LIN52: variants seen among roughly 807,000 people sequenced by gnomAD.
The protein encoded by LIN52 is protein lin-52 homolog.
A neutral mutation model predicts 18.5 loss-of-function variants in LIN52; 4 were observed. That is an observed-to-expected ratio of 0.22 (90% CI 0.11 to 0.49). The LOEUF is 0.49. LIN52 is among the 20% of genes least tolerant of loss of function. LIN52 has a pLI of 0.97. For synonymous variants in LIN52, 34 were observed against 45.5 expected (o/e 0.75, Z 1.02); for missense variants, 102 against 139.5 (o/e 0.73, Z 1.35).
intron 5 of LIN52, among the ~76,000 whole-genome samples, chr14:74,163,198 C>T (rs1404093760): frequency 6.6e-6 from 1 of 152,162 alleles, no homozygotes; most frequent in Non-Finnish European, 1.5e-5. Context: ...CCTTTCACCT[C>T]AGCCTCCAGG....
intron 1 of LIN52, among the ~76,000 whole-genome samples, chr14:74,087,268 T>A (rs2060739308): frequency 6.6e-6 from 1 of 151,916 alleles, no homozygotes; most frequent in East Asian, 1.9e-4. Flanking sequence ...TACAAAAAAT[T>A]AGCCAGGCGT....
chr14:74,180,407 A>G (rs1388791395), intron 5 of LIN52, among the ~76,000 whole-genome samples: 2 of 151,638 alleles, frequency 1.3e-5, no homozygotes, highest in Non-Finnish European at 2.9e-5. Context: ...CTGGGACTAC[A>G]GGCGCCTGCC....
intron 5 of LIN52, among the ~76,000 whole-genome samples, chr14:74,110,024 T>C (rs1372150843): frequency 6.6e-6 from 1 of 152,196 alleles, no homozygotes; most frequent in East Asian, 1.9e-4. Context: ...CCTTGACTTT[T>C]CCTGATCTTT....
chr14:74,200,687 T>C lies in LIN52; in HGVS notation c.*1710T>C, dbSNP rs1412522922. On this transcript the variant is annotated 3_prime_UTR_variant, in exon 6 of 6. Transcript: ENST00000555028. ...TAACACAAGATAGGAAAGATGAGTA[T>C]GAGAAGTAAAACATTCTGCTGGGGT... 5 of 152,272 alleles carry C rather than the reference T, an allele frequency of 3.3e-5. No homozygotes were observed. The highest frequency in any genetic ancestry group is 2.6e-4 in the Admixed American group (4 of 15,292). 9.4% of individuals were successfully genotyped at this position (152,272 alleles called of 1,614,324 possible).
chr14:74,181,107 C>CA lies in LIN52; in HGVS notation c.284-17794dup, dbSNP rs149099646. ...TGGGTGATGGAGCAAGACTCTGTCT[C>CA]AAAAAAAAAAAAAAAAAAAAAGAAA... On this transcript the variant is annotated intron_variant, in intron 5 of 5. Transcript: ENST00000555028. Among the ~76,000 whole-genome samples, 842 of 95,944 alleles carry CA rather than the reference C, an allele frequency of 8.8e-3. 10 individuals are homozygous for CA. The highest frequency in any genetic ancestry group is 0.027 in the African/African-American group (664 of 24,612). The allele number at this position is 95,944 out of a possible 152,430, so 62.9% of individuals were successfully genotyped here. A position where few individuals can be genotyped will look rare whatever the true frequency, so the allele number is the denominator to read the frequency against.
chr14:74,145,940 A>G (rs2061151130), intron 5 of LIN52, among the ~76,000 whole-genome samples: 1 of 152,054 alleles, frequency 6.6e-6, no homozygotes, highest in Non-Finnish European at 1.5e-5. Flanking sequence ...GGTATGGAAA[A>G]CTTGTTTTTT....
chr14:74,195,714 T>C (rs1478853968), intron 5 of LIN52, among the ~76,000 whole-genome samples: 1 of 152,158 alleles, frequency 6.6e-6, no homozygotes, highest in African/African-American at 2.4e-5. Context: ...CTGTGTCTGA[T>C]GTCTTGCAAA....
intron 5 of LIN52, among the ~76,000 whole-genome samples, chr14:74,137,843 T>C (rs1357166341): frequency 6.6e-6 from 1 of 152,128 alleles, no homozygotes; most frequent in Non-Finnish European, 1.5e-5. Context: ...TTTCCTGTGG[T>C]GAACATATAT....
intron 1 of LIN52, among the ~76,000 whole-genome samples, chr14:74,087,299 C>T (rs2060739557): frequency 6.6e-6 from 1 of 151,544 alleles, no homozygotes; most frequent in African/African-American, 2.4e-5. Flanking sequence ...GCCTGTAGTC[C>T]CAGCTACTCA....
At chr14:74,090,342 G>T (rs1168583812) in intron 1 of LIN52, among the ~76,000 whole-genome samples, 1 of 149,312 alleles carries the variant, frequency 6.7e-6, no homozygotes, top group East Asian at 2.0e-4. Flanking sequence ...TTGTTTGTTT[G>T]TTTGTTTTTT....
intron 1 of LIN52, among the ~76,000 whole-genome samples, chr14:74,087,992 C>T (rs2060746550): frequency 6.6e-6 from 1 of 152,114 alleles, no homozygotes; most frequent in South Asian, 2.1e-4. Context: ...GATTATAGCT[C>T]ACTGCACCCT....
intron 4 of LIN52, among the ~76,000 whole-genome samples, chr14:74,100,759 A>C (rs1208829174): frequency 6.6e-6 from 1 of 152,152 alleles, no homozygotes; most frequent in Non-Finnish European, 1.5e-5. Flanking sequence ...TACAGGCATG[A>C]GCCACCATGC....
intron 5 of LIN52, among the ~76,000 whole-genome samples, chr14:74,106,823 C>T (rs1026004336): frequency 1.3e-5 from 2 of 152,162 alleles, no homozygotes; most frequent in Admixed American, 1.3e-4. Context: ...AACTTCTGTC[C>T]TCAAGTGATT....
At chr14:74,105,940 T>G (rs1327517576) in intron 5 of LIN52, among the ~76,000 whole-genome samples, 2 of 152,224 alleles carry the variant, frequency 1.3e-5, no homozygotes, top group African/African-American at 2.4e-5. Context: ...TGCTACCCTT[T>G]GAATTGGTAC....
chr14:74,191,517 G>C (rs2078876174), intron 5 of LIN52, among the ~76,000 whole-genome samples: 1 of 152,048 alleles, frequency 6.6e-6, no homozygotes, highest in African/African-American at 2.4e-5. Flanking sequence ...TAAAAGAAGA[G>C]TCAAAACTAT....
chr14:74,124,810 CAAAAA>C (rs5809648), intron 5 of LIN52, among the ~76,000 whole-genome samples: 5 of 59,448 alleles, frequency 8.4e-5, no homozygotes, highest in Admixed American at 4.1e-4. Context: ...GACCCTGTCT[CAAAAA>C]AAAAAAAAAA....
chr14:74,104,944 T>G (rs1243391244), intron 5 of LIN52, among the ~76,000 whole-genome samples: 3 of 152,216 alleles, frequency 2.0e-5, no homozygotes, highest in Non-Finnish European at 4.4e-5. Flanking sequence ...TGTTTTATTA[T>G]AGGTTGCAAG....
At chr14:74,190,389 C>CT (rs68037994) in intron 5 of LIN52, among the ~76,000 whole-genome samples, 1,391 of 106,238 alleles carry the variant, frequency 0.013, 54 homozygotes, top group Middle Eastern at 0.047. Flanking sequence ...GCCTAAATAA[C>CT]TTTTTTTTTT....
intron 5 of LIN52, among the ~76,000 whole-genome samples, chr14:74,115,184 T>G (rs2060957255): frequency 6.6e-6 from 1 of 152,216 alleles, no homozygotes; most frequent in South Asian, 2.1e-4. Context: ...CAATTGGAAA[T>G]TAGTGATTGA....
Sources: allele counts gnomAD v4.1 joint callset (sites outside exome capture counted in the v4.1 genomes callset), GRCh38; gene constraint gnomAD v4.1.1; transcripts MANE v1.5; gene names NCBI Gene and HGNC (gene_info 2026-07-23, HGNC 2026-07-21).